The following ANO4 variants were observed in gnomAD, a reference collection of about 807,000 sequenced individuals.
ANO4 encodes the protein anoctamin-4.
A neutral mutation model predicts 141.9 loss-of-function variants in ANO4; 69 were observed. That is an observed-to-expected ratio of 0.49 (90% CI 0.40 to 0.59). The LOEUF (loss-of-function observed/expected upper bound fraction) is 0.59, where lower values mean the gene tolerates loss of function less well. Among genes scored for constraint, ANO4 ranks in the 20% least tolerant of loss-of-function variants. The pLI is 0.00. For synonymous variants in ANO4, 350 were observed against 394.3 expected, an observed-to-expected ratio of 0.89 and a Z score of 1.33; for missense variants, 894 against 1,162.2, an observed-to-expected ratio of 0.77 and a Z score of 3.36.
chr12:100,799,160 C>A lies in ANO4; in HGVS notation c.-141+4133C>A, dbSNP rs550906229. Among the ~76,000 whole-genome samples the A allele has an allele frequency of 2.1e-3, 323 of 152,256 alleles. 3 individuals are homozygous for A. Among genetic ancestry groups the A allele is most frequent in the African/African-American group, 7.5e-3 (312 of 41,550 alleles). ...CTACATGAAGCTTGGACCAGATAAT[C>A]CCAGAGGACTGTAACCCAGCCATTA... On this transcript the variant is annotated intron_variant, in intron 1 of 27. Transcript: ENST00000392977.
At position 101,128,334 on chromosome 12, in the gene ANO4, T is replaced by G. The variant is rs2051411465; in HGVS notation, c.*478T>G. The G allele has an allele frequency of 6.6e-6, 1 of 152,650 alleles. No individual in the cohort carries two copies. Among genetic ancestry groups the G allele is most frequent in the Non-Finnish European group, 1.5e-5 (1 of 68,040 alleles). The allele number at this position is 152,650 out of a possible 1,614,324, so 9.5% of individuals were successfully genotyped here. A position where few individuals can be genotyped will look rare whatever the true frequency, so the allele number is the denominator to read the frequency against. ...CAAGACCCTGTTTACAACTTTTTCT[T>G]TCCTTTTTTTTAATTTTAGACCTTT... On this transcript the variant is annotated 3_prime_UTR_variant, in exon 28 of 28. Coordinates refer to ENST00000392977, the MANE Select transcript of ANO4 (RefSeq NM_001286615.2).
chr12:100,958,493 G>A (rs1405082559), intron 5 of ANO4, among the ~76,000 whole-genome samples: 1 of 152,184 alleles, frequency 6.6e-6, no homozygotes, highest in Non-Finnish European at 1.5e-5. Flanking sequence ...TCACATTCTA[G>A]TGAGGGAAAC....
At chr12:100,762,871 A>C (rs918079105) in intron 3 of ANO4, among the ~76,000 whole-genome samples, 1 of 152,184 alleles carries the variant, frequency 6.6e-6, no homozygotes, top group Non-Finnish European at 1.5e-5. Flanking sequence ...CTGAGTCCTC[A>C]GCACTAAAAC....
chr12:100,996,526 A>G (rs1195851043), intron 8 of ANO4, among the ~76,000 whole-genome samples: 2 of 152,202 alleles, frequency 1.3e-5, no homozygotes, highest in African/African-American at 2.4e-5. Flanking sequence ...TCTACTAAAA[A>G]TACAAAAAAT....
At chr12:101,059,115 A>T (rs1427871842) in intron 14 of ANO4, among the ~76,000 whole-genome samples, 6 of 152,302 alleles carry the variant, frequency 3.9e-5, no homozygotes, top group African/African-American at 1.4e-4. Context: ...ATCTATTGAG[A>T]TAATCATGTG....
chr12:101,084,716 C>A (rs7302309), intron 16 of ANO4, among the ~76,000 whole-genome samples: 3 of 152,094 alleles, frequency 2.0e-5, no homozygotes, highest in African/African-American at 7.2e-5. Context: ...TTTTAAGCAA[C>A]TGTGTCATGC....
intron 2 of ANO4, among the ~76,000 whole-genome samples, chr12:100,906,146 A>G (rs1303867644): frequency 1.3e-5 from 2 of 152,220 alleles, no homozygotes; most frequent in African/African-American, 4.8e-5. Context: ...ATGAGTAAAG[A>G]CATACAGTTG....
intron 1 of ANO4, among the ~76,000 whole-genome samples, chr12:100,872,838 T>C (rs1303544527): frequency 1.3e-5 from 2 of 152,212 alleles, no homozygotes; most frequent in Non-Finnish European, 2.9e-5. Flanking sequence ...CTGATGTGGT[T>C]TGGATGTATG....
intron 1 of ANO4, 119 bp from the exon 2 acceptor site, chr12:100,901,527 T>C: frequency 1.9e-6 from 1 of 530,144 alleles, no homozygotes; most frequent in Non-Finnish European, 3.3e-6. Flanking sequence ...GAGTGATGCA[T>C]ACCTTAAGAA....
At chr12:100,755,117 T>A (rs2032552104) in intron 3 of ANO4, among the ~76,000 whole-genome samples, 1 of 152,230 alleles carries the variant, frequency 6.6e-6, no homozygotes, top group Non-Finnish European at 1.5e-5. Context: ...TGGCAACCTG[T>A]AGTTTGAGTC....
intron 23 of ANO4, 122 bp from the exon 24 acceptor site, chr12:101,111,441 T>C: frequency 1.1e-6 from 1 of 893,246 alleles, no homozygotes; most frequent in Non-Finnish European, 1.6e-6. Flanking sequence ...GTTGCAACTG[T>C]CAGTATTTGG....
chr12:100,931,616 A>C (rs1179449199), intron 3 of ANO4, among the ~76,000 whole-genome samples: 1 of 152,184 alleles, frequency 6.6e-6, no homozygotes, highest in Non-Finnish European at 1.5e-5. Context: ...ATAGACCTGA[A>C]AATCATTAAC....
At chr12:101,010,372 A>AG (rs2136443570) in intron 8 of ANO4, among the ~76,000 whole-genome samples, 1 of 152,352 alleles carries the variant, frequency 6.6e-6, no homozygotes, top group South Asian at 2.1e-4. Flanking sequence ...CATTTGAATA[A>AG]GGAAAATGAC....
Position 100,938,912 on chromosome 12 carries a change from C to T in ANO4, c.161-403C>T, listed in dbSNP as rs979137213. Among the ~76,000 whole-genome samples, 16 of 152,208 alleles carry T rather than the reference C, an allele frequency of 1.1e-4. 1 individual carries two copies. Among genetic ancestry groups the T allele is most frequent in the Middle Eastern group, 3.4e-3 (1 of 294 alleles). On this transcript the variant is annotated intron_variant, in intron 3 of 27. Coordinates refer to ENST00000392977, the MANE Select transcript of ANO4 (RefSeq NM_001286615.2). ...TTATGGGTTCACTTGGCAAGCTATA[C>T]GACACTTAAATGAAAAAATTAAATT... is the stretch of plus-strand genomic sequence containing the variant.
intron 3 of ANO4, among the ~76,000 whole-genome samples, chr12:100,766,429 G>A (rs1392811575): frequency 1.3e-5 from 2 of 151,980 alleles, no homozygotes; most frequent in South Asian, 2.1e-4. Flanking sequence ...GTGAGTTTTG[G>A]TATGTTGTGT....
chr12:100,806,524 GTTTTTTTTTTTTTTTTTTTTT>G (rs763949654), intron 1 of ANO4, among the ~76,000 whole-genome samples: 66 of 59,884 alleles, frequency 1.1e-3, no homozygotes, highest in East Asian at 0.01. Flanking sequence ...TTTTTGTTTC[GTTTTTTTTTTTTTTTTTTTTT>G]TTTTTTTTTT....
chr12:100,897,673 A>G (rs1342645982), intron 1 of ANO4, among the ~76,000 whole-genome samples: 1 of 152,230 alleles, frequency 6.6e-6, no homozygotes, highest in Admixed American at 6.5e-5. Context: ...GCATTACATG[A>G]TAAGGGCTAA....
chr12:100,803,162 A>G (rs1439645340), intron 1 of ANO4, among the ~76,000 whole-genome samples: 4 of 152,194 alleles, frequency 2.6e-5, no homozygotes, highest in Non-Finnish European at 4.4e-5. Flanking sequence ...CTTAACTCTG[A>G]GAGGAGCAGT....
chr12:100,882,751 T>G (rs2039631278), intron 1 of ANO4, among the ~76,000 whole-genome samples: 1 of 152,106 alleles, frequency 6.6e-6, no homozygotes, highest in Admixed American at 6.5e-5. Context: ...CAGGCTGGAG[T>G]GCAGTGGCAT....
Sources: gnomAD v4.1 joint callset for allele counts (sites outside exome capture counted in the v4.1 genomes callset) on GRCh38, gnomAD v4.1.1 for gene constraint, MANE v1.5 for transcripts, NCBI Gene and HGNC (gene_info 2026-07-23, HGNC 2026-07-21) for gene names.